FBXO42: variants seen among roughly 807,000 people sequenced by gnomAD.
FBXO42 encodes the protein F-box protein 42, also known as F-box only protein 42.
FBXO42 carries 12 observed loss-of-function variants against 71.7 expected under a neutral mutation model. The ratio of observed to expected loss-of-function variants is 0.17; its 90% CI spans 0.11 to 0.27. The LOEUF (loss-of-function observed/expected upper bound fraction) is 0.27. Ranked by LOEUF, FBXO42 falls within the 10% of genes least tolerant of loss-of-function variation. The pLI is 1.00. For missense variants in FBXO42, 707 were observed against 911.9 expected, an observed-to-expected ratio of 0.78 and a Z score of 2.89; for synonymous variants, 325 against 327.5, an observed-to-expected ratio of 0.99 and a Z score of 0.08.
intron 1 of FBXO42, among the ~76,000 whole-genome samples, chr1:16,336,557 A>G (rs955276145): frequency 6.7e-6 from 1 of 149,280 alleles, no homozygotes; most frequent in Non-Finnish European, 1.5e-5. Context: ...GGGTTTCACC[A>G]TGTTGGCCAG....
intron 1 of FBXO42, among the ~76,000 whole-genome samples, chr1:16,322,602 A>G (rs920628970): frequency 5.4e-5 from 8 of 149,022 alleles, no homozygotes; most frequent in African/African-American, 1.7e-4. Flanking sequence ...TTTAAAAACT[A>G]AAAAAAAAAC....
chr1:16,258,969 G>A (rs552199316), intron 4 of FBXO42, among the ~76,000 whole-genome samples: 3 of 152,164 alleles, frequency 2.0e-5, no homozygotes, highest in Admixed American at 6.5e-5. Context: ...CGAACTCCTG[G>A]CCTCAAGCGA....
chr1:16,278,611 C>A (rs892018868), intron 4 of FBXO42, among the ~76,000 whole-genome samples: 5 of 152,076 alleles, frequency 3.3e-5, no homozygotes, highest in African/African-American at 4.8e-5. Flanking sequence ...TTACCACAGG[C>A]TCAGGGAAGA....
intron 4 of FBXO42, among the ~76,000 whole-genome samples, chr1:16,257,420 T>C (rs1400606174): frequency 6.6e-6 from 1 of 152,122 alleles, no homozygotes; most frequent in Non-Finnish European, 1.5e-5. Flanking sequence ...GGAATTCCAG[T>C]GAAACCATAA....
chr1:16,297,512 C>T (rs1047075662), intron 3 of FBXO42, among the ~76,000 whole-genome samples: 2 of 152,114 alleles, frequency 1.3e-5, no homozygotes, highest in African/African-American at 2.4e-5. Context: ...TACCATCTAG[C>T]CATCAATAGG....
chr1:16,253,782 A>C, intron 6 of FBXO42, 51 bp from the exon 7 acceptor site: 2 of 1,547,734 alleles, frequency 1.3e-6, no homozygotes, highest in Non-Finnish European at 1.8e-6. Flanking sequence ...CCCAGGGACC[A>C]TAATGGTGGC....
intron 1 of FBXO42, among the ~76,000 whole-genome samples, chr1:16,349,013 C>T (rs948454705): frequency 2.6e-5 from 4 of 152,148 alleles, no homozygotes; most frequent in African/African-American, 9.7e-5. Context: ...GTGTTTGTTG[C>T]CTGTGTATAT....
chr1:16,284,586 C>G (rs1453206373), intron 4 of FBXO42, among the ~76,000 whole-genome samples: 1 of 152,124 alleles, frequency 6.6e-6, no homozygotes, highest in East Asian at 1.9e-4. Flanking sequence ...AATCCCAGCA[C>G]TTTGGGAGGC....
chr1:16,252,173 G>T lies in FBXO42; in HGVS notation c.1038+115C>A. On this transcript the variant is annotated intron_variant, in intron 9 of 9. Coordinates refer to ENST00000375592, the MANE Select transcript of FBXO42 (RefSeq NM_018994.3). The surrounding 1 kb of genome is among the most constrained non-coding windows in gnomAD (Gnocchi z 4.4). The stretch of plus-strand genomic sequence containing the variant: ...GCTATGGCTAATGTTCACCTCTTTT[G>T]TGACACCAAGGTGTTTTCTATTTTT... The T allele has an allele frequency of 1.2e-6, 1 of 813,396 alleles. No homozygotes were observed. Among genetic ancestry groups the T allele is most frequent in the Non-Finnish European group, 2.0e-6 (1 of 491,204 alleles). The allele number at this position is 813,396 out of a possible 1,614,324, so 50.4% of individuals were successfully genotyped here.
intron 4 of FBXO42, among the ~76,000 whole-genome samples, chr1:16,279,854 C>CTTTTCTTTTTTTT (rs144698838): frequency 1.4e-4 from 19 of 138,182 alleles, no homozygotes; most frequent in East Asian, 4.2e-4. Context: ...TTTTTTTTTT[C>CTTTTCTTTTTTTT]TTTTTTTTTT....
At chr1:16,285,470 C>T (rs1015983133) in intron 4 of FBXO42, among the ~76,000 whole-genome samples, 4 of 152,014 alleles carry the variant, frequency 2.6e-5, no homozygotes. Flanking sequence ...GACGGGGTTT[C>T]ACCATGTTGG....
At chr1:16,302,299 T>A (rs1443608603) in intron 3 of FBXO42, among the ~76,000 whole-genome samples, 1 of 152,166 alleles carries the variant, frequency 6.6e-6, no homozygotes, top group Admixed American at 6.6e-5. Context: ...ATCTAGGCAC[T>A]TAGCAAGACT....
intron 4 of FBXO42, among the ~76,000 whole-genome samples, chr1:16,290,262 A>T (rs539078613): frequency 5.3e-5 from 8 of 152,312 alleles, no homozygotes; most frequent in African/African-American, 1.9e-4. Flanking sequence ...GTATAGATGG[A>T]ATTGTGTCCT....
chr1:16,310,559 T>A (rs2082303431), intron 2 of FBXO42, among the ~76,000 whole-genome samples: 2 of 151,880 alleles, frequency 1.3e-5, no homozygotes, highest in Admixed American at 1.3e-4. Context: ...AAGCCAGAAT[T>A]CATTAAAACT....
At position 16,251,168 on chromosome 1, in the gene FBXO42, G is replaced by A; in HGVS notation, c.1656C>T (p.Ser552=). ...HVASALAGAV[S]PGALRRSLEA... ...CCAGACTCCGACGCAGGGCACCTGG[G>A]GAGACGGCCCCTGCAAGGGCACTGG... is the stretch of plus-strand genomic sequence containing the variant. Residue 552 remains serine (S), a synonymous_variant, in exon 10 of 10, where the codon TCC becomes TCT. Coordinates refer to ENST00000375592, the MANE Select transcript of FBXO42 (RefSeq NM_018994.3). The surrounding 1 kb of genome is among the most constrained non-coding windows in gnomAD (Gnocchi z 4.5). 2 of 1,614,160 alleles carry A rather than the reference G, an allele frequency of 1.2e-6. No homozygotes were observed. Among genetic ancestry groups the A allele is most frequent in the Non-Finnish European group, 1.7e-6 (2 of 1,180,038 alleles).
rs35509397 is a variant in FBXO42 at position 16,282,537 on chromosome 1, T to TAA, written c.502+12244_502+12245dup. Among the ~76,000 whole-genome samples, 210 of 146,784 alleles carry TAA rather than the reference T, an allele frequency of 1.4e-3. 1 individual carries two copies. The highest frequency in any genetic ancestry group is 4.7e-3 in the African/African-American group (187 of 39,470). Reference sequence around the variant, plus strand: ...CACTGTGCCCGGCCATTTTCTCTTTTAAAAAAAAAAAAAATGCTGATCCAT... The same window carrying TAA: ...CACTGTGCCCGGCCATTTTCTCTTTTAAAAAAAAAAAAAAAATGCTGATCCAT... On this transcript the variant is annotated intron_variant, in intron 4 of 9. Coordinates refer to ENST00000375592, the MANE Select transcript of FBXO42 (RefSeq NM_018994.3).
chr1:16,350,285 C>T (rs1481621698), intron 1 of FBXO42, among the ~76,000 whole-genome samples: 1 of 151,932 alleles, frequency 6.6e-6, no homozygotes, highest in Non-Finnish European at 1.5e-5. Flanking sequence ...TAATGATGAG[C>T]CACCAGGATG....
Position 16,252,958 on chromosome 1 carries a change from A to T in FBXO42, c.921+138T>A. 1.5e-6 allele frequency: 1 copy of T among 646,452 alleles called. No homozygotes were observed. Among genetic ancestry groups the T allele is most frequent in the East Asian group, 3.1e-5 (1 of 32,298 alleles). The allele number at this position is 646,452 out of a possible 1,614,324, so 40.0% of individuals were successfully genotyped here. On this transcript the variant is annotated intron_variant, in intron 8 of 9. Coordinates refer to ENST00000375592, the MANE Select transcript of FBXO42 (RefSeq NM_018994.3). The surrounding 1 kb of genome is among the most constrained non-coding windows in gnomAD (Gnocchi z 4.4). ...CAGAAACAAAGGCCAGAAAATACAA[A>T]GGCTATACCCAAAAAGCATTCCTTA...
intron 1 of FBXO42, among the ~76,000 whole-genome samples, chr1:16,326,730 T>C (rs537738603): frequency 6.6e-6 from 1 of 151,270 alleles, no homozygotes; most frequent in East Asian, 1.9e-4. Flanking sequence ...TTAATTCTGA[T>C]AGGTGATGTT....
Sources: allele counts gnomAD v4.1 joint callset (sites outside exome capture counted in the v4.1 genomes callset), GRCh38; gene constraint gnomAD v4.1.1; non-coding constraint Gnocchi (gnomAD v3.1); transcripts MANE v1.5; gene names NCBI Gene and HGNC (gene_info 2026-07-23, HGNC 2026-07-21).